Variants in CTNND2 observed in about 807,000 individuals in gnomAD.
CTNND2 encodes the protein catenin delta-2.
Under a neutral mutation model 144.4 loss-of-function variants are expected in CTNND2, and 22 were observed. That is an observed-to-expected ratio of 0.15 (90% CI 0.11 to 0.22). CTNND2 has a LOEUF of 0.22. Among genes scored for constraint, CTNND2 ranks in the 10% least tolerant of loss-of-function variants. The pLI is 1.00. For synonymous variants in CTNND2, 751 were observed against 695.6 expected (o/e 1.08, Z -1.25); for missense variants, 1,353 against 1,618.8 (o/e 0.84, Z 2.82).
In CTNND2 at chr5:11,633,630, G is replaced by T. The variant is rs543558702; in HGVS notation, c.175-68574C>A. On this transcript the variant is annotated intron_variant, in intron 2 of 21. Coordinates refer to ENST00000304623, the MANE Select transcript of CTNND2 (RefSeq NM_001332.4). ...ATCTCTACTAAAAATACAAAAATTA[G>T]CCAGGCATAGTGGTGGGTGCCTGTA... Among the ~76,000 whole-genome samples, 3 of 152,088 alleles carry T rather than the reference G, an allele frequency of 2.0e-5. No homozygotes were observed. The South Asian group carries it at 6.2e-4, about 32-fold the overall frequency.
chr5:11,429,657 C>T (rs1763099408), intron 3 of CTNND2, among the ~76,000 whole-genome samples: 1 of 152,158 alleles, frequency 6.6e-6, no homozygotes, highest in South Asian at 2.1e-4. Context: ...CTAAGTCATA[C>T]AAGCCATCGA....
chr5:11,850,679 C>CA (rs1794970106), intron 1 of CTNND2, among the ~76,000 whole-genome samples: 1 of 152,154 alleles, frequency 6.6e-6, no homozygotes, highest in African/African-American at 2.4e-5. Context: ...AGTGCCAATC[C>CA]AAAATCACAG....
Position 11,426,538 on chromosome 5 carries a change from C to T in CTNND2, c.288-14469G>A, listed in dbSNP as rs567742105. 2.6e-5 allele frequency among the ~76,000 whole-genome samples: 4 copies of T among 152,322 alleles called. No homozygotes were observed. In the South Asian group the frequency reaches 8.3e-4, roughly 32 times the overall value. ...AAGGAGATACGCACAATCCACATTC[C>T]TCTGTTCCTTGCTGCCTCGTTCACA... On this transcript the variant is annotated intron_variant, in intron 3 of 21. Coordinates refer to ENST00000304623, the MANE Select transcript of CTNND2 (RefSeq NM_001332.4).
chr5:11,761,599 T>C (rs1443206488), intron 1 of CTNND2, among the ~76,000 whole-genome samples: 3 of 152,210 alleles, frequency 2.0e-5, no homozygotes, highest in Non-Finnish European at 4.4e-5. Context: ...TTTGAATTTA[T>C]TGTATTTAAA....
intron 6 of CTNND2, 87 bp from the exon 7 acceptor site, chr5:11,385,316 G>A (rs1237809390): frequency 1.7e-5 from 15 of 907,368 alleles, no homozygotes; most frequent in African/African-American, 1.8e-5. Context: ...GAGAGCAGAG[G>A]CACACCGGGG....
Position 11,602,047 on chromosome 5 carries a change from G to A in CTNND2, c.175-36991C>T, listed in dbSNP as rs779321241. On this transcript the variant is annotated intron_variant, in intron 2 of 21. Transcript: ENST00000304623. ...AAGGCTCAGGCAGGCATTCCTCCAA[G>A]AGGGTGTTAATTAAGTTCCCTTAAT... Among the ~76,000 whole-genome samples the A allele has an allele frequency of 7.2e-5, 11 of 152,050 alleles. 1 individual carries two copies. Among genetic ancestry groups the A allele is most frequent in the Non-Finnish European group, 1.6e-4 (11 of 67,996 alleles).
chr5:11,307,480 G>C (rs1008706181), intron 9 of CTNND2, among the ~76,000 whole-genome samples: 1 of 152,020 alleles, frequency 6.6e-6, no homozygotes, highest in Non-Finnish European at 1.5e-5. Context: ...AATATGACAG[G>C]GGCCAAGGGG....
chr5:11,668,576 G>A (rs1487573385), intron 2 of CTNND2, among the ~76,000 whole-genome samples: 1 of 152,120 alleles, frequency 6.6e-6, no homozygotes, highest in African/African-American at 2.4e-5. Flanking sequence ...GTCTGTTAAT[G>A]GTGTATAGGA....
intron 12 of CTNND2, among the ~76,000 whole-genome samples, chr5:11,154,270 C>T (rs1193163990): frequency 6.6e-6 from 1 of 152,152 alleles, no homozygotes; most frequent in Non-Finnish European, 1.5e-5. Flanking sequence ...GAAAGGTTGG[C>T]TCATAAATAA....
chr5:11,608,358 T>C (rs1457619069), intron 2 of CTNND2, among the ~76,000 whole-genome samples: 1 of 152,164 alleles, frequency 6.6e-6, no homozygotes, highest in African/African-American at 2.4e-5. Flanking sequence ...CCATCTCCAC[T>C]GGGTATTTAC....
intron 7 of CTNND2, among the ~76,000 whole-genome samples, chr5:11,380,157 G>A (rs1439512526): frequency 1.3e-5 from 2 of 152,112 alleles, no homozygotes; most frequent in South Asian, 4.2e-4. Context: ...GACTCTGCGC[G>A]GGGTTTAAAA....
At chr5:11,826,083 A>G (rs2126951656) in intron 1 of CTNND2, among the ~76,000 whole-genome samples, 1 of 152,186 alleles carries the variant, frequency 6.6e-6, no homozygotes, top group East Asian at 1.9e-4. Flanking sequence ...GTAAAAGTCA[A>G]GGTAAAGGAA....
chr5:11,029,108 A>T (rs561387297), intron 16 of CTNND2, among the ~76,000 whole-genome samples: 4 of 152,118 alleles, frequency 2.6e-5, no homozygotes, highest in African/African-American at 9.6e-5. Context: ...CTTCATTTTC[A>T]CTCTTGAGAA....
intron 1 of CTNND2, among the ~76,000 whole-genome samples, chr5:11,851,222 C>T (rs1794995406): frequency 6.6e-6 from 1 of 151,774 alleles, no homozygotes; most frequent in South Asian, 2.1e-4. Flanking sequence ...CTATATGAGC[C>T]AATTCCTTAA....
chr5:11,737,395 T>C (rs1787745559), intron 1 of CTNND2, among the ~76,000 whole-genome samples: 2 of 152,222 alleles, frequency 1.3e-5, no homozygotes, highest in Admixed American at 1.3e-4. Context: ...GAAGTCTTCC[T>C]ACACATAGTA....
Position 11,346,442 on chromosome 5 carries a change from C to T in CTNND2, c.1558G>A (p.Gly520Ser), listed in dbSNP as rs374608419. 8.0e-5 allele frequency: 126 copies of T among 1,565,372 alleles called. No homozygotes were observed. Among genetic ancestry groups the T allele is most frequent in the African/African-American group, 1.5e-4 (11 of 72,916 alleles). Reference protein sequence around the residue: ...PSVESPYSKSGPALPPEGTLA... With the variant: ...PSVESPYSKSSPALPPEGTLA... ...GTGCCTTCAGGCGGGAGAGCAGGGC[C>T]GGATTTGCTGTATGGAGACTCAACA... is the stretch of plus-strand genomic sequence containing the variant. The change falls in exon 9 of 22, where the codon GGC becomes AGC. Residue 520 changes from glycine to serine, a missense_variant. Gly to Ser is a moderately conservative substitution (Grantham distance 56). Coordinates refer to ENST00000304623, the MANE Select transcript of CTNND2 (RefSeq NM_001332.4).
chr5:11,053,769 C>T (rs1389441201), intron 16 of CTNND2, among the ~76,000 whole-genome samples: 1 of 152,182 alleles, frequency 6.6e-6, no homozygotes, highest in Non-Finnish European at 1.5e-5. Flanking sequence ...AAACTCTGCA[C>T]ATGTGTAGGA....
At chr5:11,245,693 G>A (rs1410540743) in intron 9 of CTNND2, among the ~76,000 whole-genome samples, 3 of 152,192 alleles carry the variant, frequency 2.0e-5, no homozygotes, top group Non-Finnish European at 4.4e-5. Flanking sequence ...AATGTGTGTT[G>A]TTTTAAGCCA....
At chr5:11,148,306 C>T (rs2400030) in intron 12 of CTNND2, among the ~76,000 whole-genome samples, 74,777 of 152,010 alleles carry the variant, frequency 0.49, 18,613 homozygotes, top group Admixed American at 0.56. Context: ...TTTTAAATGG[C>T]TAATTTGATG....
Sources: allele counts gnomAD v4.1 joint callset (sites outside exome capture counted in the v4.1 genomes callset), GRCh38; gene constraint gnomAD v4.1.1; transcripts MANE v1.5; gene names NCBI Gene and HGNC (gene_info 2026-07-23, HGNC 2026-07-21).